PCYT1B: variants seen among roughly 807,000 people sequenced by gnomAD.
PCYT1B encodes the protein choline-phosphate cytidylyltransferase B.
In PCYT1B, 10 loss-of-function variants were observed where a neutral mutation model predicts 26.4. The ratio of observed to expected loss-of-function variants is 0.38; its 90% CI spans 0.23 to 0.64. The LOEUF is 0.64. Ranked by LOEUF, PCYT1B falls within the 30% of genes least tolerant of loss-of-function variation. The probability of loss-of-function intolerance (pLI) is 0.56; values close to 1 mark genes in which losing one functional copy is unlikely to be tolerated. For synonymous variants in PCYT1B, 131 were observed against 108.4 expected (o/e 1.21, Z -1.29); for missense variants, 161 against 292.7 (o/e 0.55, Z 3.28).
At chrX:24,660,678 CAAAAAA>C (rs35663098) in intron 1 of PCYT1B, among the ~76,000 whole-genome samples, 1 of 63,932 alleles carries the variant, frequency 1.6e-5, no homozygotes, top group Non-Finnish European at 2.8e-5. Context: ...AACTCTATCT[CAAAAAA>C]AAAAAAAAAA....
intron 1 of PCYT1B, among the ~76,000 whole-genome samples, chrX:24,621,491 T>C (rs764836013): frequency 1.3e-4 from 15 of 111,411 alleles, no homozygotes; most frequent in African/African-American, 4.9e-4. Flanking sequence ...TATTTATTTA[T>C]TTTGAGATGG....
chrX:24,647,343 A>G lies in PCYT1B; in HGVS notation c.-238T>C. 1 of 893,738 alleles carries G rather than the reference A, an allele frequency of 1.1e-6. No individual in the cohort carries two copies. Among genetic ancestry groups the G allele is most frequent in the African/African-American group, 2.0e-5 (1 of 49,279 alleles). 73.7% of individuals were successfully genotyped at this position (893,738 alleles called of 1,213,427 possible). On this transcript the variant is annotated 5_prime_UTR_variant, in exon 1 of 8. Coordinates refer to ENST00000379144, the MANE Select transcript of PCYT1B (RefSeq NM_004845.5). ...AGTTTATCACTATAACAACCAGACG[A>G]CACTGAAGCGGCTGGTGCGGGATAC...
At chrX:24,609,018 G>A (rs891642665) in intron 2 of PCYT1B, among the ~76,000 whole-genome samples, 1 of 111,415 alleles carries the variant, frequency 9.0e-6, no homozygotes, top group African/African-American at 3.3e-5. Flanking sequence ...TGGATGACAG[G>A]AGAAAGAAGT....
chrX:24,656,472 T>C (rs777938408), intron 1 of PCYT1B, among the ~76,000 whole-genome samples: 13 of 108,436 alleles, frequency 1.2e-4, no homozygotes, highest in Non-Finnish European at 2.3e-4. Flanking sequence ...ACATCTTACA[T>C]TTAAAAGAAA....
intron 1 of PCYT1B, among the ~76,000 whole-genome samples, chrX:24,636,446 CTACTAAAAA>C (rs1926272825): frequency 9.0e-6 from 1 of 111,682 alleles, no homozygotes; most frequent in African/African-American, 3.3e-5. Context: ...AACCTGGTCT[CTACTAAAAA>C]TACAAAAATT....
intron 1 of PCYT1B, among the ~76,000 whole-genome samples, chrX:24,637,941 T>C (rs1926344815): frequency 9.1e-6 from 1 of 109,855 alleles, no homozygotes; most frequent in Admixed American, 9.8e-5. Context: ...GGAGGTACAA[T>C]AGAATTTATT....
chrX:24,633,534 C>G (rs901698029), intron 1 of PCYT1B, among the ~76,000 whole-genome samples: 15 of 109,363 alleles, frequency 1.4e-4, no homozygotes, highest in African/African-American at 5.0e-4. Context: ...ATTAGCCGGG[C>G]GTCGTTACAT....
At chrX:24,646,635 T>A (rs1434963902) in intron 1 of PCYT1B, among the ~76,000 whole-genome samples, 1 of 111,266 alleles carries the variant, frequency 9.0e-6, no homozygotes, top group Admixed American at 9.6e-5. Context: ...CAAGGGACTC[T>A]TCCCGAGCTT....
intron 1 of PCYT1B, chrX:24,672,500 A>C (rs1368705663): frequency 5.1e-6 from 4 of 777,157 alleles, no homozygotes; most frequent in Non-Finnish European, 7.8e-6. Flanking sequence ...GCAGATACAT[A>C]GGACTTTACT....
intron 1 of PCYT1B, among the ~76,000 whole-genome samples, chrX:24,633,209 C>CA (rs1173874144): frequency 0.029 from 460 of 15,957 alleles, 9 homozygotes; most frequent in Non-Finnish European, 0.041. Flanking sequence ...GACTATGTCT[C>CA]AAAAAAAAAA....
chrX:24,590,318 G>A lies in PCYT1B; in HGVS notation c.335-144C>T, dbSNP rs757638578. On this transcript the variant is annotated intron_variant, in intron 3 of 7. Transcript: ENST00000379144. The stretch of plus-strand genomic sequence containing the variant: ...TCATAATTGTACTCAGTTTTTAAAG[G>A]GAACAAAGGATTTGGAGAGCAAAGT... The A allele has an allele frequency of 4.1e-5, 19 of 459,170 alleles. No individual in the cohort carries two copies. In the Admixed American group the frequency reaches 7.7e-4, roughly 19 times the overall value. The allele number at this position is 459,170 out of a possible 1,213,427, so 37.8% of individuals were successfully genotyped here.
chrX:24,608,041 A>G (rs1053563868), intron 2 of PCYT1B, among the ~76,000 whole-genome samples, 180 bp from the exon 3 acceptor site: 4 of 111,826 alleles, frequency 3.6e-5, no homozygotes, highest in African/African-American at 1.3e-4. Flanking sequence ...GAGCAAAAAC[A>G]TAACAAACTT....
chrX:24,569,208 C>A (rs1923738893), intron 7 of PCYT1B, among the ~76,000 whole-genome samples: 1 of 110,384 alleles, frequency 9.1e-6, no homozygotes. Flanking sequence ...TTTTGTAGCT[C>A]TTTTCTCAAA....
At chrX:24,627,685 G>A (rs1307680543) in intron 1 of PCYT1B, among the ~76,000 whole-genome samples, 1 of 111,949 alleles carries the variant, frequency 8.9e-6, no homozygotes, top group Non-Finnish European at 1.9e-5. Flanking sequence ...AACTGTAAGA[G>A]GTCAAAGGTA....
intron 1 of PCYT1B, among the ~76,000 whole-genome samples, chrX:24,630,597 AAT>A (rs1400757603): frequency 1.8e-5 from 2 of 112,172 alleles, no homozygotes; most frequent in Non-Finnish European, 3.8e-5. Flanking sequence ...GCCCAGTCAA[AAT>A]ATGTTTGTTT....
chrX:24,614,720 C>T (rs1925429914), intron 2 of PCYT1B, among the ~76,000 whole-genome samples: 1 of 111,993 alleles, frequency 8.9e-6, no homozygotes, highest in African/African-American at 3.2e-5. Context: ...TGACCAAACC[C>T]TTCTTGAAAC....
chrX:24,631,882 G>A (rs1251950488), intron 1 of PCYT1B, among the ~76,000 whole-genome samples: 2 of 110,374 alleles, frequency 1.8e-5, no homozygotes, highest in Non-Finnish European at 3.8e-5. Context: ...GCAGTGAGCC[G>A]GGATTGCACC....
rs1555956461 is a variant in PCYT1B at position 24,579,199 on chromosome X, A to AGAG, written c.708+116_708+117insCTC. On this transcript the variant is annotated intron_variant, in intron 6 of 7. Coordinates refer to ENST00000379144, the MANE Select transcript of PCYT1B (RefSeq NM_004845.5). ...CCCATCTCTACACAAAAAAAAAAAA[A>AGAG]AGAGAGAGAGAGAGGGAGAACACTG... 2.6e-4 allele frequency: 123 copies of AGAG among 469,625 alleles called. No individual in the cohort carries two copies. The East Asian group carries it at 3.6e-3, about 14-fold the overall frequency. The allele number at this position is 469,625 out of a possible 1,213,427, so 38.7% of individuals were successfully genotyped here.
At chrX:24,630,574 C>A (rs1013974063) in intron 1 of PCYT1B, among the ~76,000 whole-genome samples, 7 of 112,006 alleles carry the variant, frequency 6.2e-5, no homozygotes, top group Admixed American at 1.9e-4. Context: ...GGATTACAGG[C>A]GTGAGCCACC....
Sources: gnomAD v4.1 joint callset for allele counts (sites outside exome capture counted in the v4.1 genomes callset) on GRCh38, gnomAD v4.1.1 for gene constraint, MANE v1.5 for transcripts, NCBI Gene and HGNC (gene_info 2026-07-23, HGNC 2026-07-21) for gene names.